SH3PXD2B: variants seen among roughly 807,000 people sequenced by gnomAD.
SH3PXD2B encodes the protein SH3 and PX domains 2B.
Under a neutral mutation model 73.1 loss-of-function variants are expected in SH3PXD2B, and 37 were observed. The ratio of observed to expected loss-of-function variants is 0.51; its 90% CI spans 0.39 to 0.67. The LOEUF is 0.67. Ranked by LOEUF, SH3PXD2B falls within the 30% of genes least tolerant of loss-of-function variation. SH3PXD2B has a pLI of 0.00. For synonymous variants in SH3PXD2B, 457 were observed against 480.5 expected, an observed-to-expected ratio of 0.95 and a Z score of 0.64; for missense variants, 1,053 against 1,197.8, an observed-to-expected ratio of 0.88 and a Z score of 1.78.
chr5:172,343,097 C>CGATTAAATT (rs990070874), intron 12 of SH3PXD2B, among the ~76,000 whole-genome samples: 3 of 152,150 alleles, frequency 2.0e-5, no homozygotes, highest in African/African-American at 7.2e-5. Flanking sequence ...AATGCTGCTG[C>CGATTAAATT]GATTAAATTA....
chr5:172,347,430 A>G (rs1757022269), intron 10 of SH3PXD2B, 98 bp from the exon 11 acceptor site: 1 of 1,253,298 alleles, frequency 8.0e-7, no homozygotes, highest in Non-Finnish European at 1.2e-6. Context: ...AAGATTGAAC[A>G]CAGGCGTCTG....
At chr5:172,364,815 A>G (rs768154385) in intron 6 of SH3PXD2B, among the ~76,000 whole-genome samples, 7 of 152,176 alleles carry the variant, frequency 4.6e-5, no homozygotes, top group Admixed American at 1.3e-4. Context: ...GAAATTGGCC[A>G]TGGTGGGAGT....
At chr5:172,434,505 G>T (rs1467635022) in intron 1 of SH3PXD2B, among the ~76,000 whole-genome samples, 1 of 152,180 alleles carries the variant, frequency 6.6e-6, no homozygotes, top group African/African-American at 2.4e-5. Flanking sequence ...CTGCCGCCCT[G>T]CTTCCCCTGC....
chr5:172,378,890 G>GA (rs1293660466), intron 5 of SH3PXD2B, among the ~76,000 whole-genome samples: 1 of 151,936 alleles, frequency 6.6e-6, no homozygotes, highest in Non-Finnish European at 1.5e-5. Flanking sequence ...CTAACACGGT[G>GA]AAACCCCGTC....
chr5:172,441,645 G>A (rs1408147697), intron 1 of SH3PXD2B, among the ~76,000 whole-genome samples: 3 of 152,132 alleles, frequency 2.0e-5, no homozygotes, highest in South Asian at 2.1e-4. Flanking sequence ...GTGAGGTAAC[G>A]GAAGGGTTGC....
chr5:172,381,125 C>T (rs1757934086), intron 5 of SH3PXD2B, among the ~76,000 whole-genome samples: 1 of 152,242 alleles, frequency 6.6e-6, no homozygotes, highest in African/African-American at 2.4e-5. Context: ...GTGCTTGGCA[C>T]ACTGCCCGCC....
At chr5:172,382,518 TAA>T (rs1023396559) in intron 4 of SH3PXD2B, among the ~76,000 whole-genome samples, 1 of 151,612 alleles carries the variant, frequency 6.6e-6, no homozygotes, top group East Asian at 1.9e-4. Flanking sequence ...TGTGCATTTC[TAA>T]AAAAGTTTCC....
chr5:172,385,893 A>T (rs2113380793), intron 4 of SH3PXD2B, among the ~76,000 whole-genome samples: 1 of 152,318 alleles, frequency 6.6e-6, no homozygotes, highest in Non-Finnish European at 1.5e-5. Context: ...GTAAAAAATG[A>T]CCCGGGGCTG....
intron 3 of SH3PXD2B, among the ~76,000 whole-genome samples, chr5:172,401,142 C>T (rs1284280770): frequency 1.3e-5 from 2 of 152,144 alleles, no homozygotes; most frequent in Non-Finnish European, 2.9e-5. Flanking sequence ...TGATTTAAGA[C>T]AGTCTGTTAT....
In SH3PXD2B at chr5:172,337,323, G is replaced by C; in HGVS notation, c.*1046C>G. ...CTGCCTGGTTTGTCTTTTACAGAGG[G>C]GAGGGCACAGGCACTGAAGTCAGGC... On this transcript the variant is annotated 3_prime_UTR_variant, in exon 13 of 13. Transcript: ENST00000311601. 2 of 985,536 alleles carry C rather than the reference G, an allele frequency of 2.0e-6. No homozygotes were observed. The highest frequency in any genetic ancestry group is 1.7e-5 in the African/African-American group (1 of 57,348). The allele number at this position is 985,536 out of a possible 1,614,324, so 61.0% of individuals were successfully genotyped here. A position where few individuals can be genotyped will look rare whatever the true frequency, so the allele number is the denominator to read the frequency against.
chr5:172,381,291 G>A (rs905753251), intron 5 of SH3PXD2B, among the ~76,000 whole-genome samples: 2 of 152,114 alleles, frequency 1.3e-5, no homozygotes, highest in African/African-American at 4.8e-5. Flanking sequence ...CCCAAACTCT[G>A]CCCGCTCTTG....
exon 13 of SH3PXD2B, chr5:172,325,219 A>G: frequency 1.6e-6 from 2 of 1,268,602 alleles, no homozygotes; most frequent in Non-Finnish European, 2.2e-6. Flanking sequence ...AAAAAAAAAT[A>G]CAGTAAAAGC....
chr5:172,408,009 AG>A (rs1758601106), intron 2 of SH3PXD2B, among the ~76,000 whole-genome samples: 1 of 152,228 alleles, frequency 6.6e-6, no homozygotes, highest in Non-Finnish European at 1.5e-5. Flanking sequence ...CTGCTTTCCC[AG>A]GCTGGAGCTC....
At chr5:172,417,124 G>A (rs1210351293) in intron 2 of SH3PXD2B, among the ~76,000 whole-genome samples, 2 of 152,082 alleles carry the variant, frequency 1.3e-5, no homozygotes, top group African/African-American at 4.8e-5. Flanking sequence ...GGGGCATATT[G>A]TTTTCTATCA....
At chr5:172,331,073 T>C (rs1756545043), downstream of SH3PXD2B, among the ~76,000 whole-genome samples, 1 of 152,148 alleles carries the variant, frequency 6.6e-6, no homozygotes, top group African/African-American at 2.4e-5. Context: ...CCCACGCCTG[T>C]AATCCCAGCT....
intron 1 of SH3PXD2B, among the ~76,000 whole-genome samples, chr5:172,433,792 G>A (rs1009711557): frequency 2.0e-5 from 3 of 152,326 alleles, no homozygotes; most frequent in East Asian, 3.9e-4. Context: ...TGCAAGCTAA[G>A]CTCTCCAGAA....
chr5:172,337,290 T>A lies in SH3PXD2B; in HGVS notation c.*1079A>T, dbSNP rs2113245729. 1 of 985,670 alleles carries A rather than the reference T, an allele frequency of 1.0e-6. No individual in the cohort carries two copies. The highest frequency in any genetic ancestry group is 1.1e-4 in the East Asian group (1 of 8,822). The allele number at this position is 985,670 out of a possible 1,614,324, so 61.1% of individuals were successfully genotyped here. A position where few individuals can be genotyped will look rare whatever the true frequency, so the allele number is the denominator to read the frequency against. On this transcript the variant is annotated 3_prime_UTR_variant, in exon 13 of 13. Transcript: ENST00000311601. The stretch of plus-strand genomic sequence containing the variant: ...TTGGCCACCACTTAGCCAGCTTCTA[T>A]CTCTTCCCTGCCTGGTTTGTCTTTT...
rs1757589347 is a variant in SH3PXD2B at position 172,368,500 on chromosome 5, A to ATATATATATAAAATATATATAT, written c.427+5289_427+5290insATATATATATTTTATATATATA. ...TATATATAAAATATATATATATTAT[A>ATATATATATAAAATATATATAT]TATATATATATAAAATATATATATA... On this transcript the variant is annotated intron_variant, in intron 6 of 12. Transcript: ENST00000311601. 2.1e-4 allele frequency among the ~76,000 whole-genome samples: 4 copies of ATATATATATAAAATATATATAT among 19,148 alleles called. 1 individual carries two copies. Among genetic ancestry groups the ATATATATATAAAATATATATAT allele is most frequent in the Non-Finnish European group, 3.1e-4 (4 of 12,870 alleles). 12.6% of individuals were successfully genotyped at this position (19,148 alleles called of 152,430 possible).
chr5:172,329,205 T>A (rs1756507759), downstream of SH3PXD2B, among the ~76,000 whole-genome samples: 1 of 149,194 alleles, frequency 6.7e-6, no homozygotes, highest in Non-Finnish European at 1.5e-5. Context: ...CTCAGCCTCC[T>A]GAGTAGCTGG....
Sources: allele counts gnomAD v4.1 joint callset (sites outside exome capture counted in the v4.1 genomes callset), GRCh38; gene constraint gnomAD v4.1.1; transcripts MANE v1.5; gene names NCBI Gene and HGNC (gene_info 2026-07-23, HGNC 2026-07-21).